The following ARHGAP26 variants were observed in gnomAD, a reference collection of about 807,000 sequenced individuals.
ARHGAP26 encodes the protein Rho GTPase activating protein 26.
ARHGAP26 carries 38 observed loss-of-function variants against 104.8 expected under a neutral mutation model. That is an observed-to-expected ratio of 0.36 (90% CI 0.28 to 0.48). The LOEUF (loss-of-function observed/expected upper bound fraction) is 0.48, where lower values mean the gene tolerates loss of function less well. Ranked by LOEUF, ARHGAP26 falls within the 20% of genes least tolerant of loss-of-function variation. The pLI, the probability that ARHGAP26 is intolerant of heterozygous loss-of-function variation, is 0.99. For missense variants in ARHGAP26, 704 were observed against 947.9 expected, an observed-to-expected ratio of 0.74 and a Z score of 3.38; for synonymous variants, 341 against 340.0, an observed-to-expected ratio of 1.00 and a Z score of -0.03.
At chr5:142,914,192 G>T (rs187785332) in intron 10 of ARHGAP26, among the ~76,000 whole-genome samples, 30 of 152,330 alleles carry the variant, frequency 2.0e-4, no homozygotes, top group African/African-American at 5.8e-4. Flanking sequence ...GTACTGCCTG[G>T]GGTTGCACTG....
chr5:143,221,821 C>A (rs983196787), intron 22 of ARHGAP26, among the ~76,000 whole-genome samples: 1 of 151,436 alleles, frequency 6.6e-6, no homozygotes, highest in African/African-American at 2.5e-5. Flanking sequence ...CCAGGCCCAG[C>A]CTCTAGAAGC....
At position 142,793,252 on chromosome 5, in the gene ARHGAP26, C is replaced by CTTTTTTTT. The variant is rs56941301; in HGVS notation, c.154+22352_154+22359dup. ...GCCCACTGATTGTTATATCCCTTTG[C>CTTTTTTTT]TTTTTTTTTTTTTTTTTTTTTTAAT... On this transcript the variant is annotated intron_variant, in intron 1 of 22. Coordinates refer to ENST00000645722, the MANE Select transcript of ARHGAP26 (RefSeq NM_001135608.3). Among the ~76,000 whole-genome samples, 103 of 107,102 alleles carry CTTTTTTTT rather than the reference C, an allele frequency of 9.6e-4. 3 individuals carry two copies. The East Asian group carries it at 0.015, about 15-fold the overall frequency. 70.3% of individuals were successfully genotyped at this position (107,102 alleles called of 152,430 possible).
chr5:143,163,704 G>C (rs1411060124), intron 20 of ARHGAP26, among the ~76,000 whole-genome samples: 2 of 152,058 alleles, frequency 1.3e-5, no homozygotes, highest in Non-Finnish European at 2.9e-5. Flanking sequence ...ATCCACCTCG[G>C]TCTCCCAAAG....
chr5:143,063,724 A>C (rs943907529), intron 17 of ARHGAP26, among the ~76,000 whole-genome samples: 2 of 152,270 alleles, frequency 1.3e-5, no homozygotes, highest in African/African-American at 2.4e-5. Context: ...GCCCCTCCCC[A>C]GCCTCTGCCT....
At chr5:142,876,361 G>A (rs1756097488) in intron 3 of ARHGAP26, among the ~76,000 whole-genome samples, 1 of 151,976 alleles carries the variant, frequency 6.6e-6, no homozygotes, top group African/African-American at 2.4e-5. Context: ...CTATATTATC[G>A]CCATTTTTCA....
At chr5:143,050,495 T>C (rs746715229) in intron 14 of ARHGAP26, among the ~76,000 whole-genome samples, 6 of 152,376 alleles carry the variant, frequency 3.9e-5, no homozygotes, top group Non-Finnish European at 7.3e-5. Flanking sequence ...TATCCTTCCT[T>C]ACTCTGGGAC....
At chr5:142,910,421 ATGT>A (rs1322014246) in intron 9 of ARHGAP26, among the ~76,000 whole-genome samples, 1 of 152,126 alleles carries the variant, frequency 6.6e-6, no homozygotes, top group East Asian at 1.9e-4. Context: ...GAATCATGTG[ATGT>A]TGTTGTATAT....
Position 143,054,464 on chromosome 5 carries a change from A to C in ARHGAP26, c.1311A>C (p.Glu437Asp). ...LMDPKTASET[E>D]TDICAEWEIK... is the part of the protein sequence containing the mutation. ...ACCCCAAGACTGCTTCTGAGACAGA[A>C]ACAGATATCTGTGCTGAATGGGAGA... is the stretch of plus-strand genomic sequence containing the variant. Residue 437 changes from glutamate to aspartate, a missense_variant, in exon 15 of 23, where the codon GAA becomes GAC. Around this residue, in one of 6 missense-constraint regions of ARHGAP26, gnomAD observed 287 missense variants for 438.8 expected, o/e 0.65. Coordinates refer to ENST00000645722, the MANE Select transcript of ARHGAP26 (RefSeq NM_001135608.3). 3 of 1,613,198 alleles carry C rather than the reference A, an allele frequency of 1.9e-6. No homozygotes were observed. The highest frequency in any genetic ancestry group is 2.5e-6 in the Non-Finnish European group (3 of 1,179,558).
chr5:142,863,732 A>C (rs905908424), intron 1 of ARHGAP26, among the ~76,000 whole-genome samples: 4 of 151,570 alleles, frequency 2.6e-5, no homozygotes, highest in African/African-American at 9.7e-5. Flanking sequence ...GGAATTAGAA[A>C]TGTAGACTCT....
At chr5:143,145,524 C>T (rs1476090852) in intron 19 of ARHGAP26, among the ~76,000 whole-genome samples, 1 of 152,200 alleles carries the variant, frequency 6.6e-6, no homozygotes, top group African/African-American at 2.4e-5. Context: ...ATAAATGGCA[C>T]ATCCAATCTC....
chr5:143,103,913 G>A (rs11960127), intron 17 of ARHGAP26, among the ~76,000 whole-genome samples: 117,001 of 151,872 alleles, frequency 0.77, 48,203 homozygotes, highest in Non-Finnish European at 0.92. Context: ...CATTCTGCAC[G>A]TGTATCCCAG....
At chr5:143,118,292 C>T (rs139422261) in intron 17 of ARHGAP26, among the ~76,000 whole-genome samples, 1,805 of 152,246 alleles carry the variant, frequency 0.012, 33 homozygotes, top group Non-Finnish European at 0.013. Flanking sequence ...ATCTGTACAA[C>T]ATTCACATGA....
intron 12 of ARHGAP26, among the ~76,000 whole-genome samples, chr5:143,024,312 T>C (rs2152842144): frequency 6.6e-6 from 1 of 152,140 alleles, no homozygotes; most frequent in African/African-American, 2.4e-5. Flanking sequence ...ACTTGACAAA[T>C]CTACCCTCTC....
chr5:143,214,223 T>C (rs867276860), intron 22 of ARHGAP26, 135 bp downstream of exon 22: 1 of 596,954 alleles, frequency 1.7e-6, no homozygotes, highest in East Asian at 2.8e-5. Context: ...TGTGTGTGCG[T>C]CTGTGTGTGT....
intron 1 of ARHGAP26, among the ~76,000 whole-genome samples, chr5:142,850,339 A>G (rs955181475): frequency 7.9e-5 from 12 of 152,130 alleles, no homozygotes; most frequent in Non-Finnish European, 1.5e-4. Context: ...CAGTGGGGGC[A>G]GTTTCTCCTC....
chr5:143,163,114 T>TAAAAAG (rs1030051736), intron 20 of ARHGAP26, among the ~76,000 whole-genome samples: 1 of 151,514 alleles, frequency 6.6e-6, no homozygotes, highest in African/African-American at 2.4e-5. Context: ...GACCTCATCT[T>TAAAAAG]AAAAAGAAAA....
intron 11 of ARHGAP26, among the ~76,000 whole-genome samples, chr5:142,966,079 A>G (rs1364077726): frequency 1.3e-5 from 2 of 152,204 alleles, no homozygotes; most frequent in South Asian, 2.1e-4. Flanking sequence ...GAATGATTCT[A>G]TAAGGTTGGG....
intron 19 of ARHGAP26, among the ~76,000 whole-genome samples, chr5:143,144,937 C>T (rs1252680713): frequency 1.3e-5 from 2 of 152,320 alleles, no homozygotes; most frequent in African/African-American, 4.8e-5. Context: ...ATGATGAGAC[C>T]TTTCTTCTAC....
At chr5:143,203,010 G>A (rs1449950278) in intron 20 of ARHGAP26, 2 of 152,154 alleles carry the variant, frequency 1.3e-5, no homozygotes, top group Non-Finnish European at 2.9e-5. Flanking sequence ...CAGGACATTG[G>A]CATGGTCAAA....
Sources: allele counts gnomAD v4.1 joint callset (sites outside exome capture counted in the v4.1 genomes callset), GRCh38; gene constraint gnomAD v4.1.1; regional missense constraint gnomAD v4.1.1; transcripts MANE v1.5; gene names NCBI Gene and HGNC (gene_info 2026-07-23, HGNC 2026-07-21).